Variants in TMEM132B observed in about 807,000 individuals in gnomAD.
TMEM132B encodes the protein transmembrane protein 132B.
TMEM132B carries 18 observed loss-of-function variants against 90.8 expected under a neutral mutation model. That is an observed-to-expected ratio of 0.20 (90% CI 0.14 to 0.29). The LOEUF (loss-of-function observed/expected upper bound fraction) is 0.29. Ranked by LOEUF, TMEM132B falls within the 10% of genes least tolerant of loss-of-function variation. The pLI, the probability that TMEM132B is intolerant of heterozygous loss-of-function variation, is 1.00. For missense variants in TMEM132B, 1,096 were observed against 1,326.8 expected, an observed-to-expected ratio of 0.83 and a Z score of 2.70; for synonymous variants, 504 against 523.3, an observed-to-expected ratio of 0.96 and a Z score of 0.50.
chr12:125,646,204 GTGAGGTCAGATAGTTAGC>G (rs1459724776), intron 6 of TMEM132B, among the ~76,000 whole-genome samples: 1 of 152,190 alleles, frequency 6.6e-6, no homozygotes, highest in Non-Finnish European at 1.5e-5. Context: ...TGGAAAGCAA[GTGAGGTCAGATAGTTAGC>G]TGAGGAGAAG....
chr12:125,639,992 C>G (rs1293271636), intron 5 of TMEM132B, among the ~76,000 whole-genome samples: 1 of 152,176 alleles, frequency 6.6e-6, no homozygotes, highest in Non-Finnish European at 1.5e-5. Context: ...CCATCGAGGG[C>G]CCGGGTTCCT....
intron 5 of TMEM132B, among the ~76,000 whole-genome samples, chr12:125,635,501 A>G (rs1566096148): frequency 6.6e-6 from 1 of 152,176 alleles, no homozygotes; most frequent in Non-Finnish European, 1.5e-5. Flanking sequence ...ATAGTATTCC[A>G]TGGTGTATAT....
At chr12:125,474,964 G>A (rs930028857) in intron 3 of TMEM132B, among the ~76,000 whole-genome samples, 1 of 152,206 alleles carries the variant, frequency 6.6e-6, no homozygotes, top group African/African-American at 2.4e-5. Flanking sequence ...TGGGTGTCAT[G>A]GGTGCTGATT....
chr12:125,257,070 T>A (rs761791770), intron 1 of TMEM132B, among the ~76,000 whole-genome samples: 1 of 152,084 alleles, frequency 6.6e-6, no homozygotes, highest in Non-Finnish European at 1.5e-5. Flanking sequence ...CCCAACACTT[T>A]GGGAGGCTGA....
rs976552625 is a variant in TMEM132B at position 125,534,039 on chromosome 12, C to T, written c.1293+14414C>T. On this transcript the variant is annotated intron_variant, in intron 4 of 8. Transcript: ENST00000682704. ...GCAGAGAGATGACTGTGGCTGGACA[C>T]GCAAGTGGCCGGCGAACTTCATACT... 4.6e-5 allele frequency among the ~76,000 whole-genome samples: 7 copies of T among 152,148 alleles called. No individual in the cohort carries two copies. The South Asian group carries it at 1.2e-3, about 27-fold the overall frequency.
At chr12:125,597,118 A>G (rs1026487412) in intron 5 of TMEM132B, among the ~76,000 whole-genome samples, 7 of 152,228 alleles carry the variant, frequency 4.6e-5, no homozygotes, top group Admixed American at 4.6e-4. Context: ...AGTCATGTAT[A>G]ATAAAGAAGA....
At chr12:125,381,017 A>G (rs1246614448) in intron 2 of TMEM132B, among the ~76,000 whole-genome samples, 1 of 152,172 alleles carries the variant, frequency 6.6e-6, no homozygotes, top group Non-Finnish European at 1.5e-5. Flanking sequence ...CAGATGCTTA[A>G]TGGTACAAGA....
chr12:125,530,427 T>C (rs1883614181), intron 4 of TMEM132B, among the ~76,000 whole-genome samples: 3 of 152,352 alleles, frequency 2.0e-5, no homozygotes, highest in Admixed American at 1.3e-4. Flanking sequence ...AATGGTCGTC[T>C]GCTGCAGCGC....
At position 125,459,072 on chromosome 12, in the gene TMEM132B, C is replaced by T. The variant is rs1264536701; in HGVS notation, c.1106+43395C>T. ...CCACAGCAAAGCCCCTTTCAGAGCA[C>T]CCCCGTCCATCTTATGCCTGAGTGG... is the stretch of plus-strand genomic sequence containing the variant. On this transcript the variant is annotated intron_variant, in intron 3 of 8. Coordinates refer to ENST00000682704, the MANE Select transcript of TMEM132B (RefSeq NM_001366854.1). The surrounding 1 kb of genome is among the most constrained non-coding windows in gnomAD (Gnocchi z 4.1). Among the ~76,000 whole-genome samples the T allele has an allele frequency of 6.6e-6, 1 of 152,178 alleles. No individual in the cohort carries two copies. Among genetic ancestry groups the T allele is most frequent in the Non-Finnish European group, 1.5e-5 (1 of 68,030 alleles).
chr12:125,642,755 C>T (rs567022631), intron 5 of TMEM132B, among the ~76,000 whole-genome samples: 14 of 152,286 alleles, frequency 9.2e-5, no homozygotes, highest in African/African-American at 2.4e-4. Context: ...TTCCTAAAGA[C>T]GTCATTGGTG....
At chr12:125,596,448 A>G (rs2136907930) in intron 5 of TMEM132B, among the ~76,000 whole-genome samples, 1 of 152,270 alleles carries the variant, frequency 6.6e-6, no homozygotes, top group East Asian at 1.9e-4. Context: ...ACATTTTCTA[A>G]ACTGCTCTTT....
At chr12:125,650,320 G>T (rs1886873937) in intron 6 of TMEM132B, among the ~76,000 whole-genome samples, 3 of 152,100 alleles carry the variant, frequency 2.0e-5, no homozygotes, top group Admixed American at 2.0e-4. Context: ...CCAATGGGAG[G>T]GGTCAAAATG....
At chr12:125,383,656 A>G (rs1256767822) in intron 2 of TMEM132B, among the ~76,000 whole-genome samples, 10 of 152,216 alleles carry the variant, frequency 6.6e-5, no homozygotes, top group African/African-American at 2.4e-4. Context: ...TACAAAGGCA[A>G]GTTTACCTAA....
intron 1 of TMEM132B, among the ~76,000 whole-genome samples, chr12:125,329,521 C>A (rs1456193323): frequency 1.3e-5 from 2 of 152,190 alleles, no homozygotes; most frequent in Admixed American, 1.3e-4. Context: ...GCTCCCTCCA[C>A]CCTTGGGTCT....
chr12:125,261,081 C>T (rs1425245260), intron 1 of TMEM132B, among the ~76,000 whole-genome samples: 7 of 152,188 alleles, frequency 4.6e-5, no homozygotes, highest in Non-Finnish European at 7.3e-5. Flanking sequence ...GGCTGAATAG[C>T]GTACCTGCTT....
intron 3 of TMEM132B, among the ~76,000 whole-genome samples, chr12:125,420,235 G>A (rs1360647762): frequency 6.6e-6 from 1 of 152,248 alleles, no homozygotes; most frequent in Non-Finnish European, 1.5e-5. Flanking sequence ...TTTCCCTTCT[G>A]TACTGCCCTA....
At chr12:125,584,315 C>T (rs1885127543) in intron 5 of TMEM132B, 1 of 310,744 alleles carries the variant, frequency 3.2e-6, no homozygotes, top group African/African-American at 2.1e-5. Context: ...ATTTTCCTAA[C>T]TTTAGCAATC....
chr12:125,447,801 G>A (rs927820131), intron 3 of TMEM132B, among the ~76,000 whole-genome samples: 4 of 152,020 alleles, frequency 2.6e-5, no homozygotes, highest in African/African-American at 4.8e-5. Flanking sequence ...TTTTCTCTCA[G>A]CACTTTGAAT....
At chr12:125,234,398 T>C (rs969049491) in intron 1 of TMEM132B, among the ~76,000 whole-genome samples, 1 of 152,136 alleles carries the variant, frequency 6.6e-6, no homozygotes, top group African/African-American at 2.4e-5. Flanking sequence ...AGGTGAGGTT[T>C]TCCCCATCAC....
Sources: gnomAD v4.1 joint callset for allele counts (sites outside exome capture counted in the v4.1 genomes callset) on GRCh38, gnomAD v4.1.1 for gene constraint, Gnocchi (gnomAD v3.1) non-coding constraint, MANE v1.5 for transcripts, NCBI Gene and HGNC (gene_info 2026-07-23, HGNC 2026-07-21) for gene names.